The following SNTG1 variants were observed in gnomAD, a reference collection of about 807,000 sequenced individuals.
The protein encoded by SNTG1 is syntrophin gamma 1.
Under a neutral mutation model 74.7 loss-of-function variants are expected in SNTG1, and 39 were observed. That is an observed-to-expected ratio of 0.52 (90% confidence interval 0.40 to 0.68). SNTG1 has a LOEUF of 0.68. Among genes scored for constraint, SNTG1 ranks in the 30% least tolerant of loss-of-function variants. The probability of loss-of-function intolerance (pLI) is 0.00; values close to 1 mark genes in which losing one functional copy is unlikely to be tolerated. For missense variants in SNTG1, 685 were observed against 609.5 expected (o/e 1.12, Z -1.30); for synonymous variants, 254 against 217.1 (o/e 1.17, Z -1.49).
At chr8:49,965,372 G>A (rs571555235) in intron 1 of SNTG1, among the ~76,000 whole-genome samples, 3 of 152,294 alleles carry the variant, frequency 2.0e-5, no homozygotes, top group African/African-American at 7.2e-5. Flanking sequence ...TGTATACAGT[G>A]ACTGAGGCCT....
intron 1 of SNTG1, among the ~76,000 whole-genome samples, chr8:50,053,779 CATTT>C (rs1250367164): frequency 6.6e-6 from 1 of 151,716 alleles, no homozygotes; most frequent in Non-Finnish European, 1.5e-5. Context: ...TAATTCCAGC[CATTT>C]ATTTATCTAC....
At chr8:50,436,320 T>C (rs1440266896) in intron 4 of SNTG1, among the ~76,000 whole-genome samples, 4 of 152,168 alleles carry the variant, frequency 2.6e-5, no homozygotes, top group African/African-American at 9.7e-5. Flanking sequence ...ATCTATTTTG[T>C]AGGAAAAATA....
At chr8:49,935,589 A>G (rs1402893031) in intron 1 of SNTG1, among the ~76,000 whole-genome samples, 2 of 151,978 alleles carry the variant, frequency 1.3e-5, no homozygotes, top group Admixed American at 1.3e-4. Context: ...CCAAATGCAC[A>G]CCGGCTCCCA....
At chr8:50,655,344 T>C (rs1434462470) in intron 13 of SNTG1, among the ~76,000 whole-genome samples, 3 of 152,222 alleles carry the variant, frequency 2.0e-5, no homozygotes, top group Non-Finnish European at 4.4e-5. Flanking sequence ...TGTGTTGTTA[T>C]CTGATCAACT....
intron 2 of SNTG1, among the ~76,000 whole-genome samples, chr8:50,213,912 G>C (rs917868342): frequency 6.6e-6 from 1 of 151,720 alleles, no homozygotes; most frequent in African/African-American, 2.4e-5. Flanking sequence ...TTCTTTTGCT[G>C]TGCAGAAGCT....
chr8:50,777,608 A>G (rs2131813144), intron 18 of SNTG1, among the ~76,000 whole-genome samples: 1 of 151,426 alleles, frequency 6.6e-6, no homozygotes, highest in Non-Finnish European at 1.5e-5. Context: ...TGATTCTAAA[A>G]TCTATGTCAT....
chr8:50,077,435 A>C (rs1048028177), intron 1 of SNTG1, among the ~76,000 whole-genome samples: 8 of 152,198 alleles, frequency 5.3e-5, no homozygotes, highest in Middle Eastern at 3.4e-3. Context: ...TTTCTCTTTG[A>C]GGATAACACT....
At chr8:50,701,824 TC>T (rs1563762089) in intron 15 of SNTG1, among the ~76,000 whole-genome samples, 12 of 148,130 alleles carry the variant, frequency 8.1e-5, no homozygotes, top group South Asian at 2.2e-4. Flanking sequence ...CTTCTTCTCC[TC>T]CTCCTCCTCC....
chr8:50,029,516 C>A (rs144466288), intron 1 of SNTG1, among the ~76,000 whole-genome samples: 3 of 152,060 alleles, frequency 2.0e-5, no homozygotes, highest in East Asian at 3.9e-4. Context: ...TCTCTTCCTG[C>A]CCTCTGGTAA....
intron 1 of SNTG1, among the ~76,000 whole-genome samples, chr8:50,160,263 G>C (rs546615649): frequency 6.6e-6 from 1 of 152,194 alleles, no homozygotes; most frequent in African/African-American, 2.4e-5. Context: ...ACACATAAAC[G>C]TTGTTACAGC....
At chr8:50,230,526 G>A (rs2085562635) in intron 2 of SNTG1, among the ~76,000 whole-genome samples, 1 of 151,276 alleles carries the variant, frequency 6.6e-6, no homozygotes, top group Admixed American at 6.6e-5. Flanking sequence ...TAATTTCGGA[G>A]CTTTATTACT....
intron 1 of SNTG1, among the ~76,000 whole-genome samples, chr8:49,927,486 A>G (rs992909677): frequency 1.4e-4 from 22 of 152,304 alleles, no homozygotes; most frequent in African/African-American, 5.3e-4. Context: ...TGTTAATATT[A>G]ACTTACTTAA....
At position 50,469,808 on chromosome 8, in the gene SNTG1, G is replaced by A. The variant is rs141381547; in HGVS notation, c.363+19079G>A. On this transcript the variant is annotated intron_variant, in intron 8 of 18. Coordinates refer to ENST00000642720, the MANE Select transcript of SNTG1 (RefSeq NM_018967.5). ...AGCCTGGCCAACAGGGTGAAACCCCGTCTCTACTAAAAATACAAAAATTAG... is the reference window on the plus strand; with the variant it reads ...AGCCTGGCCAACAGGGTGAAACCCCATCTCTACTAAAAATACAAAAATTAG... Among the ~76,000 whole-genome samples the A allele has an allele frequency of 7.0e-3, 1,065 of 152,122 alleles. 6 individuals carry two copies. The highest frequency in any genetic ancestry group is 0.01 in the Non-Finnish European group (695 of 67,986).
chr8:50,055,028 AC>A (rs1819907109), intron 1 of SNTG1, among the ~76,000 whole-genome samples: 1 of 151,884 alleles, frequency 6.6e-6, no homozygotes, highest in Admixed American at 6.6e-5. Context: ...TGGCTGAACC[AC>A]CCTGCCCTTT....
At chr8:49,940,136 C>T (rs1439647764) in intron 1 of SNTG1, among the ~76,000 whole-genome samples, 1 of 152,128 alleles carries the variant, frequency 6.6e-6, no homozygotes, top group Non-Finnish European at 1.5e-5. Context: ...AGAGAAATTG[C>T]ACACTGAGTC....
chr8:50,592,953 T>C (rs2094701836), intron 13 of SNTG1, among the ~76,000 whole-genome samples: 1 of 152,158 alleles, frequency 6.6e-6, no homozygotes, highest in Admixed American at 6.5e-5. Context: ...GAAAACTCAC[T>C]GCACAGTATG....
intron 2 of SNTG1, among the ~76,000 whole-genome samples, chr8:50,307,130 T>C (rs903559300): frequency 3.9e-5 from 6 of 152,072 alleles, no homozygotes; most frequent in African/African-American, 1.2e-4. Flanking sequence ...TTCCGCTAAT[T>C]AAAATTTGAA....
At chr8:50,222,810 A>G (rs934053800) in intron 2 of SNTG1, among the ~76,000 whole-genome samples, 7 of 152,182 alleles carry the variant, frequency 4.6e-5, no homozygotes, top group African/African-American at 1.7e-4. Flanking sequence ...ACTAGTGACC[A>G]CAGTTGCAGA....
intron 13 of SNTG1, among the ~76,000 whole-genome samples, chr8:50,595,020 ATGTGTGTGTGTG>A (rs57799690): frequency 2.0e-4 from 30 of 147,838 alleles, no homozygotes; most frequent in Admixed American, 4.1e-4. Context: ...TTTATTGAAG[ATGTGTGTGTGTG>A]TGTGTGTGTG....
Sources: allele counts gnomAD v4.1 joint callset (sites outside exome capture counted in the v4.1 genomes callset), GRCh38; gene constraint gnomAD v4.1.1; transcripts MANE v1.5; gene names NCBI Gene and HGNC (gene_info 2026-07-23, HGNC 2026-07-21).